The following SCAPER variants were observed in gnomAD, a reference collection of about 807,000 sequenced individuals.
SCAPER encodes the protein S phase cyclin A-associated protein in the endoplasmic reticulum.
A neutral mutation model predicts 182.2 loss-of-function variants in SCAPER; 98 were observed. The observed-to-expected ratio is 0.54, with a 90% CI of 0.46 to 0.64. SCAPER has a LOEUF of 0.64. SCAPER is among the 30% of genes least tolerant of loss of function. The probability of loss-of-function intolerance (pLI) is 0.00; values close to 1 mark genes in which losing one functional copy is unlikely to be tolerated. For synonymous variants in SCAPER, 605 were observed against 564.6 expected, an observed-to-expected ratio of 1.07 and a Z score of -1.01; for missense variants, 1,432 against 1,690.0, an observed-to-expected ratio of 0.85 and a Z score of 2.68.
intron 1 of SCAPER, among the ~76,000 whole-genome samples, chr15:76,903,806 A>G (rs2074928086): frequency 6.6e-6 from 1 of 152,234 alleles, no homozygotes; most frequent in Admixed American, 6.5e-5. Context: ...ACAGTTCTCA[A>G]TACTTTACAG....
chr15:76,875,926 G>T (rs527892397), intron 2 of SCAPER, among the ~76,000 whole-genome samples: 2 of 151,562 alleles, frequency 1.3e-5, no homozygotes, highest in Admixed American at 6.6e-5. Flanking sequence ...ACGGTGGGGG[G>T]CGGGGTCAGG....
intron 20 of SCAPER, among the ~76,000 whole-genome samples, chr15:76,684,115 A>C (rs1022110276): frequency 1.3e-5 from 2 of 152,002 alleles, no homozygotes; most frequent in South Asian, 2.1e-4. Flanking sequence ...ACAAAAACAC[A>C]CTTAACTATA....
At chr15:76,681,797 TAGGGGC>T (rs2057723215) in intron 20 of SCAPER, among the ~76,000 whole-genome samples, 4 of 151,954 alleles carry the variant, frequency 2.6e-5, no homozygotes, top group African/African-American at 9.7e-5. Context: ...AGAGGGGCGG[TAGGGGC>T]AAGACTCCAG....
At chr15:76,870,191 G>C (rs2072603330) in intron 2 of SCAPER, among the ~76,000 whole-genome samples, 1 of 152,110 alleles carries the variant, frequency 6.6e-6, no homozygotes, top group African/African-American at 2.4e-5. Context: ...ATAGATCAGA[G>C]GGGTGACTAT....
chr15:76,415,687 A>T (rs1211144187), intron 26 of SCAPER, among the ~76,000 whole-genome samples: 1 of 152,242 alleles, frequency 6.6e-6, no homozygotes, highest in Non-Finnish European at 1.5e-5. Flanking sequence ...TTGTTTATGA[A>T]GATAGATACA....
Position 76,804,646 on chromosome 15 carries a change from AAAC to A in SCAPER, c.394-16_394-14del. 6.5e-7 allele frequency: 1 copy of A among 1,539,594 alleles called. No individual in the cohort carries two copies. Among genetic ancestry groups the A allele is most frequent in the Non-Finnish European group, 8.8e-7 (1 of 1,136,466 alleles). On this transcript the variant is annotated splice_polypyrimidine_tract_variant and intron_variant, in intron 5 of 31. Transcript: ENST00000563290. Reference sequence around the variant, plus strand: ...TCATTAGCACCTCCTAAAAGAAACAAAACAAAAAAAAATTAAATTCCAGTCTGA... The same window carrying A: ...TCATTAGCACCTCCTAAAAGAAACAAAAAAAAAAATTAAATTCCAGTCTGA...
chr15:76,857,685 GTACAT>G, intron 4 of SCAPER, 119 bp downstream of exon 4: 1 of 653,606 alleles, frequency 1.5e-6, no homozygotes, highest in South Asian at 2.5e-5. Context: ...TTTTTAAAAA[GTACAT>G]TAAATTTTTA....
At chr15:76,411,347 C>G (rs2957612) in intron 26 of SCAPER, among the ~76,000 whole-genome samples, 1 of 151,942 alleles carries the variant, frequency 6.6e-6, no homozygotes. Flanking sequence ...AAGAGAAATG[C>G]CCACTGGAGC....
intron 21 of SCAPER, among the ~76,000 whole-genome samples, chr15:76,627,308 T>G (rs995697185): frequency 3.3e-5 from 5 of 152,156 alleles, no homozygotes; most frequent in African/African-American, 1.2e-4. Flanking sequence ...ATATTGTAAG[T>G]GTCACCTGTG....
At chr15:76,492,656 G>A (rs1334726591) in intron 24 of SCAPER, among the ~76,000 whole-genome samples, 1 of 152,076 alleles carries the variant, frequency 6.6e-6, no homozygotes, top group Non-Finnish European at 1.5e-5. Flanking sequence ...TTAAATTAGT[G>A]CAATTAGATG....
intron 27 of SCAPER, among the ~76,000 whole-genome samples, chr15:76,402,246 GGTATTATCTACCAATTTATTGTTT>G (rs1279158511): frequency 1.6e-4 from 24 of 152,018 alleles, no homozygotes; most frequent in Admixed American, 1.6e-3. Flanking sequence ...GGGAAGTGGG[GGTATTATCTACCAATTTATTGTTT>G]GTATTATCTA....
intron 5 of SCAPER, among the ~76,000 whole-genome samples, chr15:76,806,115 G>A (rs949969098): frequency 6.6e-6 from 1 of 152,102 alleles, no homozygotes; most frequent in African/African-American, 2.4e-5. Context: ...GGCTTTGGGT[G>A]TCATAGTCCA....
In SCAPER at chr15:76,348,524, G is replaced by C; in HGVS notation, c.*109C>G. On this transcript the variant is annotated 3_prime_UTR_variant, in exon 32 of 32. Coordinates refer to ENST00000563290, the MANE Select transcript of SCAPER (RefSeq NM_020843.4). ...AAGTACATGCCATATCTACAGTGTGGGAAGAGTATAAACATGGGAAAATGA... is the reference window on the plus strand; with the variant it reads ...AAGTACATGCCATATCTACAGTGTGCGAAGAGTATAAACATGGGAAAATGA... 1.5e-6 allele frequency: 1 copy of C among 677,768 alleles called. No individual in the cohort carries two copies. Among genetic ancestry groups the C allele is most frequent in the East Asian group, 2.8e-5 (1 of 35,826 alleles). 42.0% of individuals were successfully genotyped at this position (677,768 alleles called of 1,614,324 possible). A position where few individuals can be genotyped will look rare whatever the true frequency, so the allele number is the denominator to read the frequency against.
At chr15:76,553,189 A>G (rs1012530648) in intron 23 of SCAPER, among the ~76,000 whole-genome samples, 2 of 151,936 alleles carry the variant, frequency 1.3e-5, no homozygotes, top group South Asian at 2.1e-4. Context: ...CCTCTATCCA[A>G]CCCAGCTGAG....
chr15:76,607,764 A>G (rs531469079), intron 22 of SCAPER, among the ~76,000 whole-genome samples: 3 of 151,616 alleles, frequency 2.0e-5, no homozygotes, highest in Admixed American at 2.0e-4. Context: ...CATTTCATTC[A>G]TTTTGTCTTC....
intron 22 of SCAPER, among the ~76,000 whole-genome samples, chr15:76,588,507 T>C (rs924513515): frequency 1.3e-5 from 2 of 152,234 alleles, no homozygotes; most frequent in South Asian, 2.1e-4. Flanking sequence ...GGTGAGTCTC[T>C]TGAAGTCAGC....
chr15:76,512,597 G>A (rs1450095794), intron 23 of SCAPER, among the ~76,000 whole-genome samples: 17 of 151,942 alleles, frequency 1.1e-4, no homozygotes, highest in Admixed American at 1.0e-3. Flanking sequence ...CTGCAGAAGT[G>A]GAGGGGAAAA....
intron 5 of SCAPER, among the ~76,000 whole-genome samples, chr15:76,821,223 C>T (rs887993933): frequency 2.0e-5 from 3 of 152,198 alleles, no homozygotes; most frequent in Non-Finnish European, 1.5e-5. Flanking sequence ...TTGGAAGCCA[C>T]CAAGACGTTC....
chr15:76,468,840 C>T (rs992892533), intron 25 of SCAPER, among the ~76,000 whole-genome samples: 5 of 152,100 alleles, frequency 3.3e-5, no homozygotes, highest in Admixed American at 2.6e-4. Context: ...ATGGAATCCT[C>T]ATGAATGGGA....
Sources: allele counts gnomAD v4.1 joint callset (sites outside exome capture counted in the v4.1 genomes callset), GRCh38; gene constraint gnomAD v4.1.1; transcripts MANE v1.5; gene names NCBI Gene and HGNC (gene_info 2026-07-23, HGNC 2026-07-21).